The following SYT1 variants were observed in gnomAD, a reference collection of about 807,000 sequenced individuals.
The protein encoded by SYT1 is synaptotagmin-1.
SYT1 carries 8 observed loss-of-function variants against 44.8 expected under a neutral mutation model. That is an observed-to-expected ratio of 0.18 (90% CI 0.10 to 0.32). The LOEUF is 0.32. Among genes scored for constraint, SYT1 ranks in the 10% least tolerant of loss-of-function variants. The probability of loss-of-function intolerance (pLI) is 1.00; values close to 1 mark genes in which losing one functional copy is unlikely to be tolerated. For synonymous variants in SYT1, 154 were observed against 188.8 expected, an observed-to-expected ratio of 0.82 and a Z score of 1.51; for missense variants, 286 against 509.3, an observed-to-expected ratio of 0.56 and a Z score of 4.22.
rs189632265 is a variant in SYT1, at chr12:79,107,166, A to C, written c.-18+59804A>C. Among the ~76,000 whole-genome samples, 274 of 152,112 alleles carry C rather than the reference A, an allele frequency of 1.8e-3. 1 individual carries two copies. The highest frequency in any genetic ancestry group is 3.0e-3 in the Non-Finnish European group (205 of 67,856). On this transcript the variant is annotated intron_variant, in intron 3 of 10. Coordinates refer to ENST00000261205, the MANE Select transcript of SYT1 (RefSeq NM_005639.3). Reference sequence around the variant, plus strand: ...TATCTCAAAAGCTAGAAATGATCAAAATTAACTCAAGACATTTAAAACATA... The same window carrying C: ...TATCTCAAAAGCTAGAAATGATCAACATTAACTCAAGACATTTAAAACATA...
intron 8 of SYT1, among the ~76,000 whole-genome samples, chr12:79,346,171 T>C (rs1882596453): frequency 6.6e-6 from 1 of 152,222 alleles, no homozygotes; most frequent in African/African-American, 2.4e-5. Flanking sequence ...TACAGAGCCA[T>C]TAAATAAATA....
chr12:79,047,178 G>C (rs931668054), intron 2 of SYT1, 119 bp from the exon 3 acceptor site: 24 of 151,020 alleles, frequency 1.6e-4, no homozygotes, highest in African/African-American at 5.8e-4. Context: ...ATTTTTATTG[G>C]AATATATAGT....
At chr12:79,229,842 G>A (rs188254805) in intron 4 of SYT1, among the ~76,000 whole-genome samples, 4 of 152,032 alleles carry the variant, frequency 2.6e-5, no homozygotes, top group South Asian at 2.1e-4. Flanking sequence ...TGATCCACCC[G>A]CCTCAGCCTC....
intron 3 of SYT1, among the ~76,000 whole-genome samples, chr12:79,195,592 C>T (rs1873404558): frequency 6.6e-6 from 1 of 151,298 alleles, no homozygotes; most frequent in Non-Finnish European, 1.5e-5. Flanking sequence ...AACATGGGGA[C>T]TATTTGGCAC....
At chr12:79,328,339 G>A (rs1881698509) in intron 8 of SYT1, among the ~76,000 whole-genome samples, 1 of 152,122 alleles carries the variant, frequency 6.6e-6, no homozygotes, top group South Asian at 2.1e-4. Context: ...CTAATTTTAA[G>A]GGAAAACATT....
chr12:79,241,867 T>C (rs1331417960), intron 4 of SYT1, among the ~76,000 whole-genome samples: 1 of 152,130 alleles, frequency 6.6e-6, no homozygotes, highest in Non-Finnish European at 1.5e-5. Flanking sequence ...ACCGAAGTAA[T>C]GCCTTAGAAG....
At chr12:78,948,849 T>A (rs1348710891) in intron 1 of SYT1, among the ~76,000 whole-genome samples, 2 of 151,772 alleles carry the variant, frequency 1.3e-5, no homozygotes, top group Non-Finnish European at 2.9e-5. Context: ...TAACATGCCC[T>A]GATAATAAAT....
chr12:79,233,223 C>T (rs547914804), intron 4 of SYT1, among the ~76,000 whole-genome samples: 58 of 152,282 alleles, frequency 3.8e-4, no homozygotes, highest in African/African-American at 1.4e-3. Flanking sequence ...ATCAGGGACT[C>T]GGTGATAGCT....
intron 3 of SYT1, among the ~76,000 whole-genome samples, chr12:79,063,488 C>T (rs1875537370): frequency 6.6e-6 from 1 of 152,178 alleles, no homozygotes; most frequent in Admixed American, 6.6e-5. Flanking sequence ...GCATCTCTGC[C>T]TTTCAAAGAC....
At chr12:79,401,443 G>A (rs1333914685) in intron 9 of SYT1, among the ~76,000 whole-genome samples, 9 of 151,960 alleles carry the variant, frequency 5.9e-5, no homozygotes, top group South Asian at 2.1e-4. Flanking sequence ...CTTTCACTTC[G>A]TATTCATGAA....
intron 2 of SYT1, among the ~76,000 whole-genome samples, chr12:79,018,435 A>G (rs2137609437): frequency 6.6e-6 from 1 of 152,184 alleles, no homozygotes; most frequent in Middle Eastern, 3.4e-3. Flanking sequence ...TGGCACATGT[A>G]TACATATGTA....
chr12:79,395,061 A>G (rs1884814895), intron 9 of SYT1, among the ~76,000 whole-genome samples: 1 of 152,214 alleles, frequency 6.6e-6, no homozygotes, highest in Admixed American at 6.5e-5. Context: ...ATAAGCCTTA[A>G]ATACATTTGT....
In SYT1 at chr12:79,175,782, CT is replaced by C. The variant is rs570188278; in HGVS notation, c.-17-41720del. Among the ~76,000 whole-genome samples, 506 of 152,142 alleles carry C rather than the reference CT, an allele frequency of 3.3e-3. 3 individuals are homozygous for C. The highest frequency in any genetic ancestry group is 0.012 in the African/African-American group (492 of 41,538). On this transcript the variant is annotated intron_variant, in intron 3 of 10. Transcript: ENST00000261205. ...AACCATGAAAGTCCCTGATTTACCC[CT>C]CTATCAGTAGGCATAAACATATCTA...
At chr12:79,365,669 T>C in intron 9 of SYT1, among the ~76,000 whole-genome samples, 1 of 152,076 alleles carries the variant, frequency 6.6e-6, no homozygotes. Flanking sequence ...TGCTGCTGCT[T>C]CTACTACTGG....
intron 8 of SYT1, among the ~76,000 whole-genome samples, chr12:79,338,667 T>G (rs1472044411): frequency 1.2e-5 from 1 of 84,370 alleles, no homozygotes; most frequent in Non-Finnish European, 2.2e-5. Flanking sequence ...CTTCCCTCCC[T>G]CCCTCCCTTT....
At chr12:79,448,010 T>C (rs1870831418) in intron 10 of SYT1, among the ~76,000 whole-genome samples, 1 of 152,226 alleles carries the variant, frequency 6.6e-6, no homozygotes, top group African/African-American at 2.4e-5. Flanking sequence ...TACACTCAGC[T>C]GCTAGATTGA....
intron 3 of SYT1, among the ~76,000 whole-genome samples, chr12:79,049,726 T>G (rs1235237920): frequency 1.3e-5 from 2 of 152,016 alleles, no homozygotes; most frequent in African/African-American, 2.4e-5. Flanking sequence ...TGAATGAGTT[T>G]TATGAATTGT....
intron 9 of SYT1, among the ~76,000 whole-genome samples, chr12:79,380,731 A>T (rs1296831150): frequency 6.6e-6 from 1 of 152,142 alleles, no homozygotes; most frequent in Non-Finnish European, 1.5e-5. Flanking sequence ...GTTTAAAAGG[A>T]CTGTAATAAG....
chr12:79,303,369 C>T (rs895748667), intron 8 of SYT1, among the ~76,000 whole-genome samples: 3 of 151,886 alleles, frequency 2.0e-5, no homozygotes, highest in African/African-American at 7.3e-5. Flanking sequence ...CTAAAAACAG[C>T]ATAAGGAATA....
Sources: gnomAD v4.1 joint callset for allele counts (sites outside exome capture counted in the v4.1 genomes callset) on GRCh38, gnomAD v4.1.1 for gene constraint, MANE v1.5 for transcripts, NCBI Gene and HGNC (gene_info 2026-07-23, HGNC 2026-07-21) for gene names.